ABCA5: variants seen among roughly 807,000 people sequenced by gnomAD.
ABCA5 encodes the protein cholesterol transporter ABCA5.
A neutral mutation model predicts 206.0 loss-of-function variants in ABCA5; 163 were observed. That is an observed-to-expected ratio of 0.79 (90% CI 0.70 to 0.90). The LOEUF is 0.90. Among genes scored for constraint, ABCA5 ranks in the 40% least tolerant of loss-of-function variants. ABCA5 has a pLI of 0.00. For synonymous variants in ABCA5, 609 were observed against 613.8 expected (o/e 0.99, Z 0.11); for missense variants, 1,859 against 1,912.9 (o/e 0.97, Z 0.53).
chr17:69,272,699 GTAATTTTCCAT>G (rs58511196), intron 20 of ABCA5, among the ~76,000 whole-genome samples: 14,932 of 152,018 alleles, frequency 0.098, 784 homozygotes, highest in Non-Finnish European at 0.11. Flanking sequence ...TTCCATTCGA[GTAATTTTCCAT>G]TAATTTTCCA....
rs762294982 is a variant in ABCA5 at position 69,270,619 on chromosome 17, G to A, written c.3024C>T (p.Phe1008=). 25 of 1,587,830 alleles carry A rather than the reference G, an allele frequency of 1.6e-5. No individual in the cohort carries two copies. The South Asian group carries it at 2.9e-4, about 19-fold the overall frequency. The change falls in exon 22 of 39, where the codon TTC becomes TTT. Residue 1008 remains phenylalanine (F), a synonymous_variant. Transcript: ENST00000392676. ...TETIQIWSTP[F]FQEITDIVFK... ...TGTATATACATTGGCTTACTTGAAA[G>A]AATGGGGTACTCCAGATCTGGATGG...
chr17:69,303,825 T>TACATAC (rs1491492719), intron 7 of ABCA5, among the ~76,000 whole-genome samples: 5 of 5,628 alleles, frequency 8.9e-4, no homozygotes, highest in Non-Finnish European at 2.0e-3. Context: ...TATATATATA[T>TACATAC]GTATATATAT....
intron 18 of ABCA5, among the ~76,000 whole-genome samples, chr17:69,278,796 C>A (rs911282733): frequency 2.6e-5 from 4 of 152,180 alleles, no homozygotes; most frequent in Non-Finnish European, 4.4e-5. Context: ...ACATGATTAT[C>A]TCAACAGATG....
intron 13 of ABCA5, 98 bp from the exon 14 acceptor site, chr17:69,289,394 G>A (rs2075499700): frequency 1.1e-6 from 1 of 943,296 alleles, no homozygotes; most frequent in Non-Finnish European, 1.4e-6. Context: ...TAATGTGTTA[G>A]ATATTTAAGT....
intron 8 of ABCA5, 117 bp downstream of exon 8, chr17:69,302,601 G>T: frequency 1.7e-6 from 1 of 587,822 alleles, no homozygotes; most frequent in Non-Finnish European, 2.6e-6. Context: ...TCTTCCTCAT[G>T]CTAAAATTTT....
chr17:69,274,069 G>C lies in ABCA5; in HGVS notation c.2654C>G (p.Ser885Cys), dbSNP rs1025689034. 5 of 1,605,650 alleles carry C rather than the reference G, an allele frequency of 3.1e-6. No individual in the cohort carries two copies. The highest frequency in any genetic ancestry group is 4.5e-5 in the East Asian group (2 of 44,632). Residue 885 changes from serine (S) to cysteine (C), a missense_variant, in exon 20 of 39, where the codon TCT (serine) becomes TGT (cysteine). Ser to Cys is a moderately radical substitution (Grantham distance 112). Transcript: ENST00000392676. ...VQIFMFLVHHSFKNAVVPIKL... is the reference protein window; with the variant it reads ...VQIFMFLVHHCFKNAVVPIKL... ...GATGGGAACCACAGCATTTTTAAAA[G>C]AGTGATGAACCAAAAACATAAAAAT...
chr17:69,306,869 G>A lies in ABCA5; in HGVS notation c.644C>T (p.Thr215Ile), dbSNP rs139545118. 58 of 1,602,500 alleles carry A rather than the reference G, an allele frequency of 3.6e-5. No homozygotes were observed. The highest frequency in any genetic ancestry group is 8.5e-5 in the Admixed American group (5 of 58,996). ...TATTAAAATTACTCCTCGGGGAAAG[G>A]TATCTATTTCTACAACAGCAGTTTC... ...MGETAVVEIDTFPRGVILIYL... is the reference protein window; with the variant it reads ...MGETAVVEIDIFPRGVILIYL... The change falls in exon 6 of 39, where the codon ACC becomes ATC. Residue 215 changes from threonine (T) to isoleucine (I), a missense_variant. Physicochemically the swap from Thr to Ile is moderately conservative, Grantham distance 89. Coordinates refer to ENST00000392676, the MANE Select transcript of ABCA5 (RefSeq NM_172232.4).
intron 6 of ABCA5, among the ~76,000 whole-genome samples, chr17:69,305,336 A>T (rs1320445617): frequency 1.3e-5 from 2 of 152,236 alleles, no homozygotes; most frequent in Non-Finnish European, 2.9e-5. Flanking sequence ...CTTCTTTACA[A>T]ATCAGAGCTC....
At chr17:69,250,049 G>A in intron 36 of ABCA5, 65 bp from the exon 37 acceptor site, 1 of 990,426 alleles carries the variant, frequency 1.0e-6, no homozygotes, top group Non-Finnish European at 1.4e-6. Context: ...TAAAGCTAAA[G>A]TTCAACATGT....
chr17:69,263,046 T>C (rs999254327), intron 24 of ABCA5, among the ~76,000 whole-genome samples: 1 of 152,204 alleles, frequency 6.6e-6, no homozygotes, highest in Non-Finnish European at 1.5e-5. Context: ...TTTTGAGAAG[T>C]GTCTGTTCAT....
At chr17:69,279,833 T>C (rs1397542932) in intron 18 of ABCA5, among the ~76,000 whole-genome samples, 1 of 152,198 alleles carries the variant, frequency 6.6e-6, no homozygotes, top group Non-Finnish European at 1.5e-5. Context: ...TAGCCATATG[T>C]AGAAAGCTGA....
intron 7 of ABCA5, among the ~76,000 whole-genome samples, chr17:69,303,470 G>A (rs2075673076): frequency 6.6e-6 from 1 of 151,240 alleles, no homozygotes; most frequent in African/African-American, 2.4e-5. Flanking sequence ...AGGTAAACAT[G>A]ACCACCTCTA....
chr17:69,288,246 T>C (rs1421040535), intron 14 of ABCA5, among the ~76,000 whole-genome samples: 1 of 152,086 alleles, frequency 6.6e-6, no homozygotes, highest in Non-Finnish European at 1.5e-5. Flanking sequence ...CAAGGGGGAA[T>C]GTGGCAGGAT....
chr17:69,321,778 G>GT (rs1057220523), intron 1 of ABCA5, among the ~76,000 whole-genome samples: 6 of 151,766 alleles, frequency 4.0e-5, no homozygotes, highest in Non-Finnish European at 7.4e-5. Context: ...AAAAAAAAAA[G>GT]TTATTTTCCA....
chr17:69,316,166 A>T (rs115474599), intron 1 of ABCA5, among the ~76,000 whole-genome samples: 2,567 of 152,322 alleles, frequency 0.017, 73 homozygotes, highest in African/African-American at 0.057. Flanking sequence ...CAGAGAGAAA[A>T]AAGATTTTTA....
chr17:69,265,900 T>C (rs1378101255), intron 23 of ABCA5, among the ~76,000 whole-genome samples: 1 of 152,192 alleles, frequency 6.6e-6, no homozygotes. Context: ...AAAATTAACA[T>C]GTATAATTCA....
intron 28 of ABCA5, among the ~76,000 whole-genome samples, chr17:69,259,034 A>G (rs2075116010): frequency 1.3e-5 from 2 of 152,116 alleles, no homozygotes; most frequent in African/African-American, 4.8e-5. Context: ...ACCACTTTAG[A>G]AACAGTCTGG....
rs548401186 is a variant in ABCA5, at chr17:69,260,973, AC to A, written c.3564+151del. On this transcript the variant is annotated intron_variant, in intron 26 of 38. Transcript: ENST00000392676. ...AGAATTTACAGTTTGACAAGAGCTC[AC>A]AATAATTTATGCTGCATTAATAATA... 133 of 613,046 alleles carry A rather than the reference AC, an allele frequency of 2.2e-4. No individual in the cohort carries two copies. The East Asian group carries it at 4.2e-3, about 19-fold the overall frequency. 38.0% of individuals were successfully genotyped at this position (613,046 alleles called of 1,614,324 possible). A position where few individuals can be genotyped will look rare whatever the true frequency, so the allele number is the denominator to read the frequency against.
intron 14 of ABCA5, among the ~76,000 whole-genome samples, chr17:69,288,939 T>C (rs2075493992): frequency 1.3e-5 from 2 of 152,116 alleles, no homozygotes; most frequent in Admixed American, 6.6e-5. Flanking sequence ...TTTACCACTA[T>C]ATAATTCATC....
Sources: gnomAD v4.1 joint callset for allele counts (sites outside exome capture counted in the v4.1 genomes callset) on GRCh38, gnomAD v4.1.1 for gene constraint, MANE v1.5 for transcripts, NCBI Gene and HGNC (gene_info 2026-07-23, HGNC 2026-07-21) for gene names.